The following ARHGAP20 variants were observed in gnomAD, a reference collection of about 807,000 sequenced individuals.
ARHGAP20 encodes Rho GTPase activating protein 20, also known as rho GTPase-activating protein 20.
A neutral mutation model predicts 73.7 loss-of-function variants in ARHGAP20; 34 were observed. The ratio of observed to expected loss-of-function variants is 0.46; its 90% CI spans 0.35 to 0.61. The LOEUF (loss-of-function observed/expected upper bound fraction) is 0.61, where lower values mean the gene tolerates loss of function less well. Among genes scored for constraint, ARHGAP20 ranks in the 20% least tolerant of loss-of-function variants. The probability of loss-of-function intolerance (pLI) is 0.00; values close to 1 mark genes in which losing one functional copy is unlikely to be tolerated. For missense variants in ARHGAP20, 1,314 were observed against 1,420.9 expected (o/e 0.92, Z 1.21); for synonymous variants, 523 against 518.2 (o/e 1.01, Z -0.13).
rs531720530 is a variant in ARHGAP20 at position 110,606,892 on chromosome 11, C to T, written c.776-143G>A. The T allele has an allele frequency of 1.7e-5, 12 of 707,498 alleles. No homozygotes were observed. The East Asian group carries it at 3.2e-4, about 19-fold the overall frequency. 43.8% of individuals were successfully genotyped at this position (707,498 alleles called of 1,614,324 possible). On this transcript the variant is annotated intron_variant, in intron 8 of 14. Transcript: ENST00000683387. Reference sequence around the variant, plus strand: ...TTGTTTGACAGAATGATCATTTACACTCTTACAGTTGGAGACCAGTATGCA... The same window carrying T: ...TTGTTTGACAGAATGATCATTTACATTCTTACAGTTGGAGACCAGTATGCA...
intron 2 of ARHGAP20, among the ~76,000 whole-genome samples, chr11:110,641,118 C>G (rs1229452166): frequency 6.6e-6 from 1 of 151,976 alleles, no homozygotes; most frequent in Non-Finnish European, 1.5e-5. Context: ...TATCAAGATG[C>G]TGATGGGAGC....
At chr11:110,654,830 A>G (rs1949430242) in intron 2 of ARHGAP20, among the ~76,000 whole-genome samples, 1 of 152,206 alleles carries the variant, frequency 6.6e-6, no homozygotes, top group Admixed American at 6.5e-5. Context: ...GTGCTCAACC[A>G]ATTCTATCAT....
chr11:110,599,200 T>C (rs928176974), intron 9 of ARHGAP20, among the ~76,000 whole-genome samples: 1 of 152,194 alleles, frequency 6.6e-6, no homozygotes, highest in African/African-American at 2.4e-5. Flanking sequence ...TTCTGTACTC[T>C]TGGGGGTCCT....
intron 2 of ARHGAP20, among the ~76,000 whole-genome samples, chr11:110,635,004 T>C (rs1005046820): frequency 2.6e-5 from 4 of 152,032 alleles, no homozygotes; most frequent in Non-Finnish European, 5.9e-5. Flanking sequence ...TCTCGGGGTC[T>C]CCATCAACGC....
intron 8 of ARHGAP20, 54 bp from the exon 9 acceptor site, chr11:110,606,803 T>C (rs1948242697): frequency 2.1e-6 from 3 of 1,429,668 alleles, no homozygotes; most frequent in Non-Finnish European, 2.8e-6. Context: ...ACTGTTAGCA[T>C]GTGTACTGCA....
At chr11:110,606,925 C>T (rs1948246653) in intron 8 of ARHGAP20, among the ~76,000 whole-genome samples, 176 bp from the exon 9 acceptor site, 1 of 151,832 alleles carries the variant, frequency 6.6e-6, no homozygotes, top group African/African-American at 2.4e-5. Context: ...GCAGGTGGTC[C>T]TACCAAAGTA....
intron 2 of ARHGAP20, among the ~76,000 whole-genome samples, chr11:110,675,664 C>T (rs1006500158): frequency 6.6e-6 from 1 of 152,086 alleles, no homozygotes; most frequent in Admixed American, 6.6e-5. Flanking sequence ...TACTTGCTTG[C>T]CTGCCACTCA....
chr11:110,629,080 C>T (rs1948807404), intron 3 of ARHGAP20, among the ~76,000 whole-genome samples: 1 of 152,078 alleles, frequency 6.6e-6, no homozygotes, highest in Admixed American at 6.5e-5. Context: ...TCCCTAAGAG[C>T]TGAATGCATG....
At chr11:110,698,731 A>G (rs1312474196) in intron 1 of ARHGAP20, among the ~76,000 whole-genome samples, 2 of 151,706 alleles carry the variant, frequency 1.3e-5, no homozygotes, top group Non-Finnish European at 2.9e-5. Flanking sequence ...GTCTGTGATG[A>G]TCTTTTGTAT....
chr11:110,600,769 T>C (rs2134859126), intron 9 of ARHGAP20, among the ~76,000 whole-genome samples: 1 of 152,352 alleles, frequency 6.6e-6, no homozygotes, highest in Middle Eastern at 3.4e-3. Context: ...TGAATGTCTA[T>C]ATCTTGAACC....
Position 110,645,576 on chromosome 11 carries a change from CT to C in ARHGAP20, c.189-14785del, listed in dbSNP as rs1452464498. On this transcript the variant is annotated intron_variant, in intron 2 of 14. Coordinates refer to ENST00000683387, the MANE Select transcript of ARHGAP20 (RefSeq NM_001384657.1). ...GAGCAGTTTAGAGATTTCTCAAGAA[CT>C]AAGAGTTGAACTATCATTCAACTCA... Among the ~76,000 whole-genome samples the C allele has an allele frequency of 4.6e-5, 7 of 152,244 alleles. No homozygotes were observed. In the East Asian group the frequency reaches 1.2e-3, roughly 25 times the overall value.
At chr11:110,622,862 T>C (rs1948658721) in intron 4 of ARHGAP20, among the ~76,000 whole-genome samples, 1 of 152,194 alleles carries the variant, frequency 6.6e-6, no homozygotes, top group Non-Finnish European at 1.5e-5. Flanking sequence ...ATATTAACCT[T>C]GATCATTTGG....
chr11:110,651,037 C>T (rs1376883190), intron 2 of ARHGAP20, among the ~76,000 whole-genome samples: 1 of 152,168 alleles, frequency 6.6e-6, no homozygotes, highest in African/African-American at 2.4e-5. Context: ...TCATAACAGT[C>T]TCTCAGACCA....
intron 11 of ARHGAP20, among the ~76,000 whole-genome samples, chr11:110,589,067 G>A (rs11213492): frequency 0.16 from 24,802 of 151,572 alleles, 2,576 homozygotes; most frequent in East Asian, 0.31. Context: ...GTGAGACCCC[G>A]ACTGAAAAAA....
chr11:110,702,506 A>G (rs921771402), intron 1 of ARHGAP20, among the ~76,000 whole-genome samples: 1 of 152,170 alleles, frequency 6.6e-6, no homozygotes, highest in African/African-American at 2.4e-5. Context: ...CACCATTCCT[A>G]TTCAACATAG....
In ARHGAP20 at chr11:110,592,092, G is replaced by T. The variant is rs2134830019; in HGVS notation, c.1028C>A (p.Ser343Tyr). 1 of 1,614,178 alleles carries T rather than the reference G, an allele frequency of 6.2e-7. No homozygotes were observed. Among genetic ancestry groups the T allele is most frequent in the Middle Eastern group, 1.6e-4 (1 of 6,062 alleles). ...SIINWAFWRG[S>Y]STHLDNLPSS... is the part of the protein sequence containing the mutation. ...GGGCAAGTTGTCCAGGTGAGTGCTA[G>T]AACCTCGCCAGAAGGCCCAGTTTAT... The change falls in exon 10 of 15, where the codon TCT (serine) becomes TAT (tyrosine). Residue 343 changes from serine to tyrosine, a missense_variant. Coordinates refer to ENST00000683387, the MANE Select transcript of ARHGAP20 (RefSeq NM_001384657.1).
At chr11:110,648,968 A>G (rs1414882947) in intron 2 of ARHGAP20, among the ~76,000 whole-genome samples, 1 of 152,160 alleles carries the variant, frequency 6.6e-6, no homozygotes, top group Non-Finnish European at 1.5e-5. Flanking sequence ...AGAAGACACT[A>G]AAGTTTTAGA....
chr11:110,647,603 C>T (rs1949225069), intron 2 of ARHGAP20, among the ~76,000 whole-genome samples: 1 of 151,882 alleles, frequency 6.6e-6, no homozygotes, highest in Non-Finnish European at 1.5e-5. Context: ...TTTTTTTATG[C>T]AAAGGCACTA....
intron 5 of ARHGAP20, among the ~76,000 whole-genome samples, chr11:110,615,145 T>C (rs1327839357): frequency 6.6e-6 from 1 of 152,172 alleles, no homozygotes. Flanking sequence ...CATTTTAGTC[T>C]GCATGCTCAA....
Sources: gnomAD v4.1 joint callset for allele counts (sites outside exome capture counted in the v4.1 genomes callset) on GRCh38, gnomAD v4.1.1 for gene constraint, MANE v1.5 for transcripts, NCBI Gene and HGNC (gene_info 2026-07-23, HGNC 2026-07-21) for gene names.